Variants in BCL2L11 observed in about 807,000 individuals in gnomAD.
The protein encoded by BCL2L11 is BCL2 like 11.
BCL2L11 carries 15 observed loss-of-function variants against 20.6 expected under a neutral mutation model. The ratio of observed to expected loss-of-function variants is 0.73; its 90% CI spans 0.49 to 1.12. BCL2L11 has a LOEUF of 1.12. BCL2L11 is among the 50% of genes most tolerant of loss of function. The probability of loss-of-function intolerance (pLI) is 0.00; values close to 1 mark genes in which losing one functional copy is unlikely to be tolerated. For synonymous variants in BCL2L11, 108 were observed against 92.8 expected, an observed-to-expected ratio of 1.16 and a Z score of -0.94; for missense variants, 292 against 260.9, an observed-to-expected ratio of 1.12 and a Z score of -0.82.
chr2:111,139,836 G>C (rs1209013711), intron 2 of BCL2L11, among the ~76,000 whole-genome samples: 1 of 152,238 alleles, frequency 6.6e-6, no homozygotes, highest in African/African-American at 2.4e-5. Flanking sequence ...CCTTGGACCA[G>C]ATCCACATGA....
At chr2:111,146,582 C>CT in intron 2 of BCL2L11, among the ~76,000 whole-genome samples, 1 of 152,262 alleles carries the variant, frequency 6.6e-6, no homozygotes, top group South Asian at 2.1e-4. Context: ...CAAACTGATG[C>CT]TAAAGGAAAT....
chr2:111,164,099 GA>G, intron 3 of BCL2L11, 33 bp from the exon 4 acceptor site: 6 of 1,274,704 alleles, frequency 4.7e-6, no homozygotes, highest in Admixed American at 1.7e-5. Flanking sequence ...CCAAATTAGG[GA>G]GAAACTAAGA....
intron 2 of BCL2L11, chr2:111,146,312 A>G (rs1258770082): frequency 2.4e-5 from 20 of 836,228 alleles, no homozygotes; most frequent in Non-Finnish European, 2.9e-5. Context: ...CGGCGGTCAG[A>G]CACATTGCAG....
At chr2:111,122,708 A>C (rs1477099405) in intron 1 of BCL2L11, 2 of 980,930 alleles carry the variant, frequency 2.0e-6, no homozygotes, top group Non-Finnish European at 2.4e-6. Flanking sequence ...CGGCGTGCGG[A>C]GCCCTCGGCT....
Position 111,166,858 on chromosome 2 carries a change from A to G in BCL2L11, c.*2627A>G, listed in dbSNP as rs2079044632. ...AATTGTCTGCCGTTTCCCCTTCTTA[A>G]TGTATATATTGTGAGTATTTATTAG... is the stretch of plus-strand genomic sequence containing the variant. On this transcript the variant is annotated 3_prime_UTR_variant, in exon 4 of 4. Transcript: ENST00000393256. The G allele has an allele frequency of 1.3e-5, 2 of 152,566 alleles. No homozygotes were observed. Among genetic ancestry groups the G allele is most frequent in the African/African-American group, 4.8e-5 (2 of 41,424 alleles). 9.5% of individuals were successfully genotyped at this position (152,566 alleles called of 1,614,324 possible).
At chr2:111,163,838 T>G in intron 3 of BCL2L11, among the ~76,000 whole-genome samples, 1 of 151,346 alleles carries the variant, frequency 6.6e-6, no homozygotes. Flanking sequence ...CCTCTTTGAG[T>G]TTTTCAAACA....
At chr2:111,157,457 G>A (rs1383861086) in intron 3 of BCL2L11, among the ~76,000 whole-genome samples, 1 of 152,228 alleles carries the variant, frequency 6.6e-6, no homozygotes, top group Non-Finnish European at 1.5e-5. Flanking sequence ...TTTTGGAACA[G>A]TGTGTTTCTT....
chr2:111,144,494 G>A, intron 2 of BCL2L11: 1 of 1,550,576 alleles, frequency 6.4e-7, no homozygotes, highest in Non-Finnish European at 8.7e-7. Flanking sequence ...ATAGCTAACT[G>A]GGACTAGAAA....
chr2:111,135,402 G>A (rs1037228071), intron 2 of BCL2L11, among the ~76,000 whole-genome samples: 2 of 152,130 alleles, frequency 1.3e-5, no homozygotes, highest in African/African-American at 4.8e-5. Flanking sequence ...CAGTTGTTGG[G>A]GGAGATGTGT....
chr2:111,146,532 G>A (rs2150457740), intron 2 of BCL2L11, among the ~76,000 whole-genome samples: 1 of 152,304 alleles, frequency 6.6e-6, no homozygotes, highest in South Asian at 2.1e-4. Flanking sequence ...GCTTTTGGAA[G>A]ACCATACCGG....
chr2:111,136,878 C>T (rs1177456677), intron 2 of BCL2L11, among the ~76,000 whole-genome samples: 1 of 152,162 alleles, frequency 6.6e-6, no homozygotes, highest in Non-Finnish European at 1.5e-5. Flanking sequence ...CTTCTTCACT[C>T]CTTTTTACTC....
At chr2:111,135,921 G>A (rs780063136) in intron 2 of BCL2L11, among the ~76,000 whole-genome samples, 74 of 152,226 alleles carry the variant, frequency 4.9e-4, no homozygotes, top group Admixed American at 2.5e-3. Flanking sequence ...CAGGGCAGCC[G>A]GATCACCTCT....
intron 2 of BCL2L11, chr2:111,128,883 C>T (rs2150290149): frequency 7.4e-7 from 1 of 1,346,058 alleles, no homozygotes; most frequent in African/African-American, 1.5e-5. Flanking sequence ...AACATGGCTA[C>T]TAGAAAAATG....
chr2:111,152,266 C>T (rs1015331242), intron 3 of BCL2L11, among the ~76,000 whole-genome samples: 41 of 152,266 alleles, frequency 2.7e-4, no homozygotes, highest in African/African-American at 8.2e-4. Context: ...TAGACACCCT[C>T]GGGGCAAGAT....
At chr2:111,148,051 C>T (rs977527674) in intron 2 of BCL2L11, among the ~76,000 whole-genome samples, 8 of 152,314 alleles carry the variant, frequency 5.3e-5, no homozygotes, top group Middle Eastern at 6.8e-3. Context: ...GCAATTTTTA[C>T]CAGTCTGCCA....
chr2:111,141,703 T>G (rs1436008846), intron 2 of BCL2L11, among the ~76,000 whole-genome samples: 2 of 150,296 alleles, frequency 1.3e-5, no homozygotes. Context: ...CTTGTGAGTT[T>G]TTTTTTTTTT....
At position 111,164,205 on chromosome 2, in the gene BCL2L11, G is replaced by T. The variant is rs1453189111; in HGVS notation, c.571G>T (p.Val191Phe). 3 of 1,612,084 alleles carry T rather than the reference G, an allele frequency of 1.9e-6. No individual in the cohort carries two copies. The highest frequency in any genetic ancestry group is 2.5e-6 in the Non-Finnish European group (3 of 1,178,430). The stretch of plus-strand genomic sequence containing the variant: ...TATCTTACGACTGTTACGTTACATT[G>T]TCCGCCTGGTGTGGAGAATGCATTG... Reference protein sequence around the residue: ...MVILRLLRYIVRLVWRMH With the variant: ...MVILRLLRYIFRLVWRMH The change falls in exon 4 of 4, where the codon GTC becomes TTC. Residue 191 changes from valine (V) to phenylalanine (F), a missense_variant. Physicochemically the swap from Val to Phe is conservative, Grantham distance 50. Transcript: ENST00000393256.
chr2:111,131,127 C>T (rs1310686157), intron 2 of BCL2L11, among the ~76,000 whole-genome samples: 4 of 149,468 alleles, frequency 2.7e-5, no homozygotes, highest in East Asian at 2.0e-4. Context: ...ATTTTCAGGA[C>T]GATATTGTGT....
rs776156195 is a variant in BCL2L11 at position 111,123,872 on chromosome 2, A to G, written c.127A>G (p.Asn43Asp). ...CTCCCTACAGACAGAGCCACAAGGT[A>G]ATCCTGAAGGCAATCACGGAGGTGA... ...PTSLQTEPQG[N>D]PEGNHGGEGD... The change falls in exon 2 of 4, where the codon AAT (asparagine) becomes GAT (aspartate). Residue 43 changes from asparagine (N) to aspartate (D), a missense_variant. Transcript: ENST00000393256. The G allele has an allele frequency of 1.9e-5, 30 of 1,604,650 alleles. No homozygotes were observed. Among genetic ancestry groups the G allele is most frequent in the Non-Finnish European group, 2.5e-5 (29 of 1,175,434 alleles).
Sources: gnomAD v4.1 joint callset for allele counts (sites outside exome capture counted in the v4.1 genomes callset) on GRCh38, gnomAD v4.1.1 for gene constraint, MANE v1.5 for transcripts, NCBI Gene and HGNC (gene_info 2026-07-23, HGNC 2026-07-21) for gene names.